The following GABRG3 variants were observed in gnomAD, a reference collection of about 807,000 sequenced individuals.
GABRG3 encodes gamma-aminobutyric acid receptor subunit gamma-3.
In GABRG3, 25 loss-of-function variants were observed where a neutral mutation model predicts 48.8. That is an observed-to-expected ratio of 0.51 (90% CI 0.37 to 0.72). The LOEUF (loss-of-function observed/expected upper bound fraction) is 0.72, where lower values mean the gene tolerates loss of function less well. Ranked by LOEUF, GABRG3 falls within the 30% of genes least tolerant of loss-of-function variation. GABRG3 has a pLI of 0.00. For synonymous variants in GABRG3, 227 were observed against 217.6 expected (o/e 1.04, Z -0.38); for missense variants, 394 against 577.9 (o/e 0.68, Z 3.26).
intron 5 of GABRG3, among the ~76,000 whole-genome samples, chr15:27,359,161 C>A (rs1038367405): frequency 1.1e-4 from 17 of 152,228 alleles, no homozygotes; most frequent in Admixed American, 3.3e-4. Flanking sequence ...TGTCAGGTCT[C>A]CCACTGCACC....
rs113973969 is a variant in GABRG3, at chr15:27,512,519, G to A, written c.713-7453G>A. Among the ~76,000 whole-genome samples the A allele has an allele frequency of 9.9e-3, 1,513 of 152,302 alleles. 36 individuals carry two copies. Among genetic ancestry groups the A allele is most frequent in the African/African-American group, 0.035 (1,445 of 41,548 alleles). On this transcript the variant is annotated intron_variant, in intron 6 of 9. Transcript: ENST00000615808. Reference sequence around the variant, plus strand: ...TGATTTTGAAATGCCTGTTATACCTGTATGGACACATTGAGATGATGCAAG... The same window carrying A: ...TGATTTTGAAATGCCTGTTATACCTATATGGACACATTGAGATGATGCAAG...
At chr15:27,400,136 A>G (rs1271024009) in intron 5 of GABRG3, among the ~76,000 whole-genome samples, 3 of 152,214 alleles carry the variant, frequency 2.0e-5, no homozygotes, top group African/African-American at 7.2e-5. Context: ...CTTCTATACA[A>G]AAGCCAGATA....
intron 3 of GABRG3, among the ~76,000 whole-genome samples, chr15:27,143,223 C>T: frequency 6.6e-6 from 1 of 152,158 alleles, no homozygotes; most frequent in East Asian, 1.9e-4. Flanking sequence ...GGACTACAGG[C>T]ATGTGCCACC....
At chr15:27,355,218 T>C (rs1894796009) in intron 5 of GABRG3, among the ~76,000 whole-genome samples, 2 of 152,182 alleles carry the variant, frequency 1.3e-5, no homozygotes, top group Admixed American at 6.5e-5. Flanking sequence ...TGGATCTGTT[T>C]CCTGTAAATG....
chr15:27,518,098 C>T (rs898182273), intron 6 of GABRG3, among the ~76,000 whole-genome samples: 3 of 151,130 alleles, frequency 2.0e-5, no homozygotes, highest in Non-Finnish European at 4.4e-5. Context: ...TGCCTGTAAT[C>T]CCAGCACTTT....
chr15:27,056,508 G>C (rs1160769732), intron 3 of GABRG3, among the ~76,000 whole-genome samples: 1 of 152,150 alleles, frequency 6.6e-6, no homozygotes, highest in Non-Finnish European at 1.5e-5. Flanking sequence ...TTCTAAAAGT[G>C]ATCATGCAGT....
At chr15:26,983,998 C>T (rs1895103730) in intron 2 of GABRG3, among the ~76,000 whole-genome samples, 2 of 152,084 alleles carry the variant, frequency 1.3e-5, no homozygotes, top group African/African-American at 2.4e-5. Flanking sequence ...TGCCTGTCTT[C>T]GAGCCTCGTT....
rs1157272275 is a variant in GABRG3, at chr15:27,238,026, A to G, written c.271-88783A>G. Among the ~76,000 whole-genome samples, 14 of 152,288 alleles carry G rather than the reference A, an allele frequency of 9.2e-5. No individual in the cohort carries two copies. The South Asian group carries it at 1.9e-3, about 20-fold the overall frequency. ...AAGGTGAGAAGAAGAGTTAATTTAG[A>G]CCTTGTTTCCATTCAGCGTTTGGAA... On this transcript the variant is annotated intron_variant, in intron 3 of 9. Coordinates refer to ENST00000615808, the MANE Select transcript of GABRG3 (RefSeq NM_033223.5).
chr15:27,518,483 C>T (rs1040524321), intron 6 of GABRG3, among the ~76,000 whole-genome samples: 1 of 151,918 alleles, frequency 6.6e-6, no homozygotes, highest in Non-Finnish European at 1.5e-5. Context: ...ATAAACCAAC[C>T]AGTTTATTGG....
chr15:27,352,554 G>A lies in GABRG3; in HGVS notation c.574+23666G>A, dbSNP rs1052348419. ...GTGTGTCTGGATGAGGAACTGTGCC[G>A]CCTGCTGTTCAGGTGCTATTTCTGT... is the stretch of plus-strand genomic sequence containing the variant. On this transcript the variant is annotated intron_variant, in intron 5 of 9. Transcript: ENST00000615808. This position sits in a 1 kb window ranked among gnomAD's most constrained non-coding sequence, Gnocchi z 4.0. Among the ~76,000 whole-genome samples, 6 of 152,186 alleles carry A rather than the reference G, an allele frequency of 3.9e-5. No homozygotes were observed. Among genetic ancestry groups the A allele is most frequent in the African/African-American group, 7.2e-5 (3 of 41,516 alleles).
At chr15:27,154,361 ATCT>A (rs1416621049) in intron 3 of GABRG3, among the ~76,000 whole-genome samples, 1 of 152,108 alleles carries the variant, frequency 6.6e-6, no homozygotes, top group African/African-American at 2.4e-5. Flanking sequence ...CACTGGCTAG[ATCT>A]TCTAGTACTG....
chr15:27,163,550 C>T (rs111633282), intron 3 of GABRG3, among the ~76,000 whole-genome samples: 2 of 151,850 alleles, frequency 1.3e-5, no homozygotes, highest in South Asian at 4.2e-4. Context: ...GGTAATAGGC[C>T]GAGACCAGAA....
chr15:27,423,721 CTTTTTTTTT>C (rs542775399), intron 5 of GABRG3, among the ~76,000 whole-genome samples: 45 of 81,778 alleles, frequency 5.5e-4, no homozygotes, highest in African/African-American at 1.8e-3. Context: ...TTTTCTTTTC[CTTTTTTTTT>C]TTTTTTTTTT....
At chr15:27,372,556 A>G (rs1370712451) in intron 5 of GABRG3, among the ~76,000 whole-genome samples, 1 of 151,866 alleles carries the variant, frequency 6.6e-6, no homozygotes, top group African/African-American at 2.4e-5. Flanking sequence ...CCAGGTCCAA[A>G]TCATTTTTTA....
chr15:27,436,295 G>T (rs74006941), intron 5 of GABRG3, among the ~76,000 whole-genome samples: 3,698 of 152,112 alleles, frequency 0.024, 160 homozygotes, highest in African/African-American at 0.085. Flanking sequence ...TCCCACTTGT[G>T]GGGGGAAGGG....
rs141137413 is a variant in GABRG3, at chr15:27,173,261, A to G, written c.270+146440A>G. ...TTTCAAAATGTTCTGGATGTGATCT[A>G]CTTTATAGTTGCAGAGAAATGTATG... On this transcript the variant is annotated intron_variant, in intron 3 of 9. Coordinates refer to ENST00000615808, the MANE Select transcript of GABRG3 (RefSeq NM_033223.5). Among the ~76,000 whole-genome samples the G allele has an allele frequency of 3.4e-4, 52 of 152,256 alleles. No individual in the cohort carries two copies. In the East Asian group the frequency reaches 7.2e-3, roughly 21 times the overall value.
intron 5 of GABRG3, among the ~76,000 whole-genome samples, chr15:27,475,188 C>G (rs968090446): frequency 7.2e-5 from 11 of 152,012 alleles, no homozygotes. Context: ...ATCAGAAGAA[C>G]AGATGGAGAC....
In GABRG3 at chr15:27,327,016, C is replaced by T; in HGVS notation, c.478C>T (p.Leu160Phe). 3 of 1,613,532 alleles carry T rather than the reference C, an allele frequency of 1.9e-6. No individual in the cohort carries two copies. The highest frequency in any genetic ancestry group is 2.5e-6 in the Non-Finnish European group (3 of 1,179,600). ...LLRIWNDGKI[L>F]YTLRLTINAE... ...CCGGATTTGGAATGACGGGAAAATC[C>T]TTTACACTTTGAGGTAAGATGCTGC... The change falls in exon 4 of 10, where the codon CTT (leucine) becomes TTT (phenylalanine). Residue 160 changes from leucine (L) to phenylalanine (F), a missense_variant. This residue lies in a region of GABRG3 where 218 missense variants were observed against 309.9 expected (regional missense o/e 0.70). Coordinates refer to ENST00000615808, the MANE Select transcript of GABRG3 (RefSeq NM_033223.5).
intron 3 of GABRG3, among the ~76,000 whole-genome samples, chr15:27,246,609 A>G (rs1890278413): frequency 6.6e-6 from 1 of 152,206 alleles, no homozygotes; most frequent in Admixed American, 6.5e-5. Flanking sequence ...GTTGGCTTTA[A>G]GTAATATCAA....
Sources: allele counts gnomAD v4.1 joint callset (sites outside exome capture counted in the v4.1 genomes callset), GRCh38; gene constraint gnomAD v4.1.1; regional missense constraint gnomAD v4.1.1; non-coding constraint Gnocchi (gnomAD v3.1); transcripts MANE v1.5; gene names NCBI Gene and HGNC (gene_info 2026-07-23, HGNC 2026-07-21).